Variants in POTEE observed in about 807,000 individuals in gnomAD.
POTEE encodes the protein ANKRD26-like family C member 1A.
Under a neutral mutation model 74.2 loss-of-function variants are expected in POTEE, and 21 were observed. The ratio of observed to expected loss-of-function variants is 0.28; its 90% CI spans 0.20 to 0.41. The LOEUF (loss-of-function observed/expected upper bound fraction) is 0.41. Among genes scored for constraint, POTEE ranks in the 10% least tolerant of loss-of-function variants. POTEE has a pLI of 1.00. For missense variants in POTEE, 525 were observed against 1,158.6 expected, an observed-to-expected ratio of 0.45 and a Z score of 7.94; for synonymous variants, 211 against 432.8, an observed-to-expected ratio of 0.49 and a Z score of 6.36.
rs1254907898 is a variant in POTEE, at chr2:131,226,833, C to T, written c.821C>T (p.Thr274Ile). The change falls in exon 7 of 18, where the codon ACA becomes ATA. Residue 274 changes from threonine to isoleucine, a missense_variant. Thr to Ile is a moderately conservative substitution (Grantham distance 89). Transcript: ENST00000683005. ...TATATTGTTTTACAGCATGGCCTCA[C>T]ACCACTGTTACTTGGTGTACATGAG... ...DIESKNKHGL[T>I]PLLLGVHEQK... is the part of the protein sequence containing the mutation. 6.2e-7 allele frequency: 1 copy of T among 1,611,774 alleles called. No individual in the cohort carries two copies. Among genetic ancestry groups the T allele is most frequent in the Non-Finnish European group, 8.5e-7 (1 of 1,179,662 alleles).
intron 9 of POTEE, among the ~76,000 whole-genome samples, chr2:131,236,249 T>C (rs1701130020): frequency 6.6e-6 from 1 of 152,142 alleles, no homozygotes; most frequent in African/African-American, 2.4e-5. Context: ...TTTTGTTTTC[T>C]TAACCTTGCT....
intron 2 of POTEE, among the ~76,000 whole-genome samples, chr2:131,214,321 G>A (rs577783089): frequency 7.9e-5 from 12 of 152,332 alleles, no homozygotes; most frequent in Admixed American, 3.3e-4. Flanking sequence ...ATATGAAGAT[G>A]TATTTATTAT....
At chr2:131,231,756 A>G (rs1425888457) in intron 9 of POTEE, among the ~76,000 whole-genome samples, 7 of 152,098 alleles carry the variant, frequency 4.6e-5, no homozygotes, top group Non-Finnish European at 8.8e-5. Context: ...GCCCAACTCT[A>G]GGCTCAGCAG....
At chr2:131,229,776 A>G (rs1573712902) in intron 8 of POTEE, 2 of 152,288 alleles carry the variant, frequency 1.3e-5, no homozygotes, top group East Asian at 1.9e-4. Flanking sequence ...GTGTGAATCA[A>G]AGCAAAATGG....
chr2:131,213,286 C>T (rs867359531), intron 2 of POTEE, among the ~76,000 whole-genome samples: 1 of 151,782 alleles, frequency 6.6e-6, no homozygotes, highest in South Asian at 2.1e-4. Flanking sequence ...TATCTAAGAA[C>T]CTGCAGTGTC....
chr2:131,218,759 T>C lies in POTEE; in HGVS notation c.357T>C (p.Ala119=), dbSNP rs941344222. 20 of 1,612,710 alleles carry C rather than the reference T, an allele frequency of 1.2e-5. No homozygotes were observed. Among genetic ancestry groups the C allele is most frequent in the African/African-American group, 8.0e-5 (6 of 74,818 alleles). The change falls in exon 4 of 18, where the codon GCT becomes GCC. Residue 119 remains alanine, a synonymous_variant. Transcript: ENST00000683005. ...GGAGCGGCAAGAGCAAGGTGGGCGC[T>C]TGGGGAGACTACGATGACAGCGCCT... is the stretch of plus-strand genomic sequence containing the variant. ...CRGSGKSKVG[A]WGDYDDSAFM...
chr2:131,231,363 G>A (rs987458211), intron 9 of POTEE, among the ~76,000 whole-genome samples: 3 of 151,538 alleles, frequency 2.0e-5, no homozygotes, highest in African/African-American at 4.8e-5. Flanking sequence ...TACAGATGAA[G>A]CTTCCCTGGC....
intron 6 of POTEE, among the ~76,000 whole-genome samples, chr2:131,226,527 T>C (rs1559176830): frequency 7.0e-6 from 1 of 143,338 alleles, no homozygotes; most frequent in African/African-American, 2.7e-5. Flanking sequence ...GGAAAAATAT[T>C]ATCATCCAAT....
chr2:131,233,206 G>T (rs1201715735), intron 9 of POTEE, among the ~76,000 whole-genome samples: 2 of 152,026 alleles, frequency 1.3e-5, no homozygotes, highest in Non-Finnish European at 2.9e-5. Context: ...GTGTAAAACG[G>T]GTTAGCAAGC....
At chr2:131,230,170 T>C (rs1700904595) in intron 8 of POTEE, among the ~76,000 whole-genome samples, 2 of 152,156 alleles carry the variant, frequency 1.3e-5, no homozygotes, top group Non-Finnish European at 2.9e-5. Context: ...TAATGAGATA[T>C]TTATGAATAA....
chr2:131,212,570 CT>C (rs70994744), intron 2 of POTEE, among the ~76,000 whole-genome samples: 2,363 of 26,754 alleles, frequency 0.088, 981 homozygotes, highest in Non-Finnish European at 0.13. Flanking sequence ...TGTTTTCTTT[CT>C]TTTTTTTTTT....
chr2:131,220,016 G>T (rs1326744401), intron 4 of POTEE, among the ~76,000 whole-genome samples: 1 of 150,260 alleles, frequency 6.7e-6, no homozygotes. Flanking sequence ...AGAATTTAGC[G>T]CTTGATAATG....
chr2:131,225,507 G>A (rs1192742200), intron 6 of POTEE, among the ~76,000 whole-genome samples: 5 of 145,732 alleles, frequency 3.4e-5, no homozygotes, highest in Non-Finnish European at 7.5e-5. Flanking sequence ...GGTATCTCTA[G>A]AAGAGTTGGG....
chr2:131,248,685 AT>A (rs1289695748), intron 13 of POTEE, among the ~76,000 whole-genome samples: 2 of 149,282 alleles, frequency 1.3e-5, no homozygotes, highest in African/African-American at 2.5e-5. Flanking sequence ...GAAAGTCAGC[AT>A]CCACAGAACA....
chr2:131,215,476 G>T (rs1287736125), intron 2 of POTEE, among the ~76,000 whole-genome samples: 1 of 151,780 alleles, frequency 6.6e-6, no homozygotes, highest in African/African-American at 2.4e-5. Context: ...GATTTTTCAA[G>T]ACTTACGCTA....
At chr2:131,232,050 C>T (rs1700978005) in intron 9 of POTEE, among the ~76,000 whole-genome samples, 1 of 151,534 alleles carries the variant, frequency 6.6e-6, no homozygotes, top group Non-Finnish European at 1.5e-5. Context: ...TTTATGTTTT[C>T]ACTTGTCCAC....
chr2:131,219,844 T>A (rs1700560846), intron 4 of POTEE, among the ~76,000 whole-genome samples: 1 of 152,172 alleles, frequency 6.6e-6, no homozygotes, highest in Admixed American at 6.5e-5. Context: ...TGTCTTTTAT[T>A]ATTGTGATAA....
At chr2:131,220,396 G>A (rs1032291744) in intron 4 of POTEE, among the ~76,000 whole-genome samples, 2 of 151,670 alleles carry the variant, frequency 1.3e-5, no homozygotes, top group Non-Finnish European at 2.9e-5. Flanking sequence ...AGTAGAGATG[G>A]GGTTTCACCA....
intron 1 of POTEE, among the ~76,000 whole-genome samples, chr2:131,210,154 G>A (rs1425007608): frequency 1.4e-5 from 2 of 146,312 alleles, no homozygotes; most frequent in Non-Finnish European, 3.0e-5. Context: ...GCAGCGGGGG[G>A]TGGTTTAGGA....
Sources: gnomAD v4.1 joint callset for allele counts (sites outside exome capture counted in the v4.1 genomes callset) on GRCh38, gnomAD v4.1.1 for gene constraint, MANE v1.5 for transcripts, NCBI Gene and HGNC (gene_info 2026-07-23, HGNC 2026-07-21) for gene names.